Variants in FRMPD4 observed in about 807,000 individuals in gnomAD.
The protein encoded by FRMPD4 is FERM and PDZ domain-containing protein 4.
Under a neutral mutation model 94.1 loss-of-function variants are expected in FRMPD4, and 22 were observed. That is an observed-to-expected ratio of 0.23 (90% CI 0.17 to 0.33). FRMPD4 has a LOEUF of 0.33. Ranked by LOEUF, FRMPD4 falls within the 10% of genes least tolerant of loss-of-function variation. FRMPD4 has a pLI of 1.00. For missense variants in FRMPD4, 1,111 were observed against 1,339.9 expected (o/e 0.83, Z 2.67); for synonymous variants, 631 against 548.6 (o/e 1.15, Z -2.10).
chrX:12,242,147 C>T (rs1427531098), intron 1 of FRMPD4, among the ~76,000 whole-genome samples: 1 of 111,539 alleles, frequency 9.0e-6, no homozygotes, highest in Non-Finnish European at 1.9e-5. Context: ...GTGACTATAT[C>T]TATATTTTAA....
chrX:12,136,676 G>T (rs1392135666), upstream of FRMPD4, among the ~76,000 whole-genome samples: 4 of 110,858 alleles, frequency 3.6e-5, no homozygotes. Flanking sequence ...GAGTGTATGT[G>T]TGTGAGAGAG....
rs183218301 is a variant in FRMPD4, at chrX:12,338,361, C to T, written c.42-160319C>T. 3.5e-3 allele frequency among the ~76,000 whole-genome samples: 388 copies of T among 111,944 alleles called. 2 individuals carry two copies. The highest frequency in any genetic ancestry group is 0.012 in the African/African-American group (375 of 30,761). ...ACTTATAACATCATCTGCATTTCCC[C>T]ACTATGATTTATAAACTGAAAATAA... On this transcript the variant is annotated intron_variant, in intron 1 of 16. Coordinates refer to ENST00000675598, the MANE Select transcript of FRMPD4 (RefSeq NM_001368397.1).
intron 3 of FRMPD4, among the ~76,000 whole-genome samples, chrX:12,128,022 C>G (rs1488434385): frequency 8.9e-6 from 1 of 112,843 alleles, no homozygotes; most frequent in Non-Finnish European, 1.9e-5. Context: ...GGCACAGCCA[C>G]CTCCCAGCTG....
intron 2 of FRMPD4, among the ~76,000 whole-genome samples, chrX:12,551,117 CT>C (rs1269382751): frequency 9.1e-6 from 1 of 110,174 alleles, no homozygotes; most frequent in African/African-American, 3.3e-5. Context: ...TATAATGTTT[CT>C]TTTTTCATTC....
At chrX:12,522,137 A>G (rs1369756106) in intron 2 of FRMPD4, among the ~76,000 whole-genome samples, 1 of 109,339 alleles carries the variant, frequency 9.1e-6, no homozygotes, top group Non-Finnish European at 1.9e-5. Context: ...AAAAATTCTG[A>G]GCCTCAAACT....
intron 3 of FRMPD4, among the ~76,000 whole-genome samples, chrX:12,007,350 A>C (rs1400046470): frequency 1.8e-5 from 2 of 112,357 alleles, no homozygotes; most frequent in East Asian, 5.6e-4. Flanking sequence ...TTGAGCAGAA[A>C]CGTAGATAGA....
chrX:12,479,455 T>C (rs1026962696), intron 1 of FRMPD4, among the ~76,000 whole-genome samples: 151 of 88,257 alleles, frequency 1.7e-3, no homozygotes, highest in African/African-American at 5.9e-3. Flanking sequence ...TGTATATATA[T>C]GTATATATGT....
At chrX:12,693,522 G>T (rs1220582549) in intron 8 of FRMPD4, among the ~76,000 whole-genome samples, 2 of 112,028 alleles carry the variant, frequency 1.8e-5, no homozygotes, top group African/African-American at 6.5e-5. Flanking sequence ...CATTGAGCAA[G>T]TGGAACAATA....
intron 2 of FRMPD4, among the ~76,000 whole-genome samples, chrX:12,536,424 T>C (rs1249654702): frequency 9.0e-6 from 1 of 111,606 alleles, no homozygotes; most frequent in Non-Finnish European, 1.9e-5. Context: ...TTAGGCATCA[T>C]TACTTACAGA....
chrX:12,468,852 T>C (rs2057478007), intron 1 of FRMPD4, among the ~76,000 whole-genome samples: 1 of 112,035 alleles, frequency 8.9e-6, no homozygotes, highest in African/African-American at 3.2e-5. Flanking sequence ...CATGTTGATC[T>C]TACAAGGAAA....
intron 2 of FRMPD4, among the ~76,000 whole-genome samples, chrX:12,522,594 C>CTTTTTTTTTT (rs373581040): frequency 2.7e-5 from 2 of 74,548 alleles, no homozygotes; most frequent in Admixed American, 1.7e-4. Flanking sequence ...TTTTCTTTTC[C>CTTTTTTTTTT]TTTTTTTTTT....
chrX:12,411,873 C>T (rs747262162), intron 1 of FRMPD4, among the ~76,000 whole-genome samples: 9 of 111,702 alleles, frequency 8.1e-5, no homozygotes, highest in Admixed American at 7.6e-4. Context: ...GGCCAAGGGT[C>T]TACAACTCAC....
intron 1 of FRMPD4, among the ~76,000 whole-genome samples, chrX:12,471,774 A>G (rs1428625744): frequency 8.9e-6 from 1 of 111,998 alleles, no homozygotes. Flanking sequence ...GTCTCTTTAT[A>G]GCAGGGTTTC....
intron 1 of FRMPD4, among the ~76,000 whole-genome samples, chrX:12,448,939 C>G (rs1166923056): frequency 9.0e-6 from 1 of 111,372 alleles, no homozygotes; most frequent in African/African-American, 3.3e-5. Flanking sequence ...TGCTTAGGAT[C>G]CCGCTTGAAC....
At chrX:12,394,760 AG>A (rs1167150918) in intron 1 of FRMPD4, among the ~76,000 whole-genome samples, 3 of 111,802 alleles carry the variant, frequency 2.7e-5, no homozygotes, top group Non-Finnish European at 3.8e-5. Flanking sequence ...AGCCTAGAAG[AG>A]TTGCAATGCA....
At chrX:12,599,704 C>T (rs1602189137) in intron 2 of FRMPD4, among the ~76,000 whole-genome samples, 1 of 111,968 alleles carries the variant, frequency 8.9e-6, no homozygotes, top group South Asian at 3.8e-4. Context: ...CTGTCCATCA[C>T]ATTTGAATAT....
At chrX:12,403,579 G>C (rs764771883) in intron 1 of FRMPD4, among the ~76,000 whole-genome samples, 2 of 110,853 alleles carry the variant, frequency 1.8e-5, no homozygotes, top group Admixed American at 1.9e-4. Context: ...CAAACCCACT[G>C]CTCCTAAGGA....
intron 2 of FRMPD4, among the ~76,000 whole-genome samples, chrX:12,523,634 G>A (rs747401339): frequency 1.4e-4 from 16 of 111,515 alleles, no homozygotes; most frequent in South Asian, 3.8e-4. Context: ...TGCTTTATTC[G>A]TCTGTAAAAT....
chrX:12,270,484 G>A (rs1029448923), intron 1 of FRMPD4, among the ~76,000 whole-genome samples: 1 of 111,100 alleles, frequency 9.0e-6, no homozygotes, highest in Non-Finnish European at 1.9e-5. Flanking sequence ...GTAACTGGTA[G>A]GACTAAATAT....
Sources: allele counts gnomAD v4.1 joint callset (sites outside exome capture counted in the v4.1 genomes callset), GRCh38; gene constraint gnomAD v4.1.1; transcripts MANE v1.5; gene names NCBI Gene and HGNC (gene_info 2026-07-23, HGNC 2026-07-21).